Variants in SLC4A10 observed in about 807,000 individuals in gnomAD.
SLC4A10 encodes the protein sodium-driven chloride bicarbonate exchanger.
SLC4A10 carries 42 observed loss-of-function variants against 137.7 expected under a neutral mutation model. The ratio of observed to expected loss-of-function variants is 0.30; its 90% CI spans 0.24 to 0.39. The LOEUF (loss-of-function observed/expected upper bound fraction) is 0.39. SLC4A10 is among the 10% of genes least tolerant of loss of function. The pLI, the probability that SLC4A10 is intolerant of heterozygous loss-of-function variation, is 1.00. For missense variants in SLC4A10, 925 were observed against 1,355.0 expected, an observed-to-expected ratio of 0.68 and a Z score of 4.98; for synonymous variants, 474 against 464.1, an observed-to-expected ratio of 1.02 and a Z score of -0.27.
intron 10 of SLC4A10, 119 bp downstream of exon 10, chr2:161,882,563 TC>T: frequency 2.0e-6 from 1 of 506,642 alleles, no homozygotes; most frequent in Non-Finnish European, 3.4e-6. Context: ...AATCCCATTC[TC>T]CCATGCTTCT....
intron 26 of SLC4A10, among the ~76,000 whole-genome samples, chr2:161,981,834 A>AC (rs1700256685): frequency 6.6e-6 from 1 of 152,040 alleles, no homozygotes. Context: ...GCAGGCACAA[A>AC]CCCGGGCGCC....
rs776504864 is a variant in SLC4A10, at chr2:161,904,811, C to T, written c.1653C>T (p.Thr551=). Residue 551 remains threonine (T), a synonymous_variant, in exon 14 of 27, where the codon ACC becomes ACT. Transcript: ENST00000446997. ...AIESLFGASM[T]GIAYSLFGGQ... ...AATCTCTCTTTGGAGCATCCATGAC[C>T]GGGATAGCCTATTCTCTCTTTGGTG... 5.1e-5 allele frequency: 82 copies of T among 1,613,928 alleles called. No individual in the cohort carries two copies. Among genetic ancestry groups the T allele is most frequent in the African/African-American group, 4.1e-4 (31 of 75,042 alleles).
At chr2:161,831,320 A>C (rs930988590) in intron 3 of SLC4A10, among the ~76,000 whole-genome samples, 4 of 152,272 alleles carry the variant, frequency 2.6e-5, no homozygotes, top group African/African-American at 9.6e-5. Context: ...GAAATGATTA[A>C]TATTATAGAT....
At chr2:161,825,002 T>C (rs554082696) in intron 3 of SLC4A10, among the ~76,000 whole-genome samples, 11 of 152,330 alleles carry the variant, frequency 7.2e-5, no homozygotes, top group African/African-American at 2.6e-4. Flanking sequence ...TAATCCATTT[T>C]CACTTAATGA....
chr2:161,872,455 G>C (rs781079895), intron 7 of SLC4A10, 71 bp downstream of exon 7: 7 of 1,166,692 alleles, frequency 6.0e-6, no homozygotes, highest in Non-Finnish European at 7.6e-6. Context: ...ATTTTAAGAG[G>C]TGTTGACACA....
At chr2:161,729,617 A>AG (rs1553515685) in intron 1 of SLC4A10, among the ~76,000 whole-genome samples, 105 of 151,740 alleles carry the variant, frequency 6.9e-4, no homozygotes, top group Admixed American at 3.0e-3. Flanking sequence ...AATAAAGCGA[A>AG]TTTTTTTTTC....
At chr2:161,708,009 T>C (rs1470249853) in intron 1 of SLC4A10, among the ~76,000 whole-genome samples, 4 of 151,178 alleles carry the variant, frequency 2.6e-5, no homozygotes, top group Admixed American at 6.6e-5. Flanking sequence ...TTTTGCTTGG[T>C]AAATCTTTTG....
At chr2:161,878,477 G>A (rs1484217743) in intron 8 of SLC4A10, among the ~76,000 whole-genome samples, 2 of 151,816 alleles carry the variant, frequency 1.3e-5, no homozygotes, top group Non-Finnish European at 2.9e-5. Flanking sequence ...CATTCATTTC[G>A]ATCACAAACA....
intron 3 of SLC4A10, among the ~76,000 whole-genome samples, chr2:161,838,456 A>G (rs1195784715): frequency 2.0e-5 from 3 of 152,068 alleles, no homozygotes; most frequent in Admixed American, 2.0e-4. Flanking sequence ...CATAATTTAT[A>G]ACACACACAC....
At chr2:161,719,475 G>A (rs56037433) in intron 1 of SLC4A10, among the ~76,000 whole-genome samples, 12,406 of 152,048 alleles carry the variant, frequency 0.082, 642 homozygotes, top group East Asian at 0.14. Flanking sequence ...AGGAATCGCC[G>A]CACTGACTTC....
intron 3 of SLC4A10, among the ~76,000 whole-genome samples, chr2:161,835,416 G>T (rs932193274): frequency 1.1e-4 from 16 of 152,106 alleles, no homozygotes; most frequent in African/African-American, 3.9e-4. Flanking sequence ...CACAGGGATG[G>T]TCATAAGAGA....
Position 161,701,279 on chromosome 2 carries a change from C to A in SLC4A10, c.49-69694C>A, listed in dbSNP as rs199510056. On this transcript the variant is annotated intron_variant, in intron 1 of 26. Coordinates refer to ENST00000446997, the MANE Select transcript of SLC4A10 (RefSeq NM_001178015.2). ...TCTTTTAGGTGTTTTTTGCTGTTAA[C>A]AATCTATTTATTTATGATCTGTGAA... Among the ~76,000 whole-genome samples the A allele has an allele frequency of 5.9e-5, 9 of 151,968 alleles. No individual in the cohort carries two copies. The East Asian group carries it at 1.5e-3, about 26-fold the overall frequency.
chr2:161,911,034 A>G (rs1394901423), intron 15 of SLC4A10, among the ~76,000 whole-genome samples: 1 of 151,938 alleles, frequency 6.6e-6, no homozygotes, highest in Non-Finnish European at 1.5e-5. Context: ...TATTTAAAAT[A>G]TGTAAAAAAT....
intron 3 of SLC4A10, among the ~76,000 whole-genome samples, chr2:161,826,695 G>A (rs2058042731): frequency 6.6e-6 from 1 of 151,996 alleles, no homozygotes. Context: ...ATTCTACAAG[G>A]GCTTTCCTCA....
chr2:161,885,247 G>A (rs72881073), intron 10 of SLC4A10, among the ~76,000 whole-genome samples: 10,415 of 151,788 alleles, frequency 0.069, 460 homozygotes, highest in East Asian at 0.13. Flanking sequence ...TACTCATTAA[G>A]AATAGAATTT....
At chr2:161,633,555 C>T (rs981765284) in intron 1 of SLC4A10, among the ~76,000 whole-genome samples, 1 of 151,682 alleles carries the variant, frequency 6.6e-6, no homozygotes, top group South Asian at 2.1e-4. Flanking sequence ...AATAATATAT[C>T]TATCTCCCAG....
intron 26 of SLC4A10, among the ~76,000 whole-genome samples, chr2:161,980,415 G>A (rs554493793): frequency 3.3e-5 from 5 of 152,284 alleles, no homozygotes; most frequent in South Asian, 2.1e-4. Flanking sequence ...TTGGGAGGCC[G>A]AGGCGAGCAG....
intron 1 of SLC4A10, among the ~76,000 whole-genome samples, chr2:161,626,305 A>G (rs2032353218): frequency 6.6e-6 from 1 of 152,146 alleles, no homozygotes; most frequent in South Asian, 2.1e-4. Context: ...ATGAGGATTA[A>G]CTAGAGGAAT....
At chr2:161,846,507 C>A (rs2059506395) in intron 4 of SLC4A10, among the ~76,000 whole-genome samples, 1 of 152,168 alleles carries the variant, frequency 6.6e-6, no homozygotes, top group South Asian at 2.1e-4. Flanking sequence ...CATGTTCACA[C>A]AAAGACCTCT....
Sources: allele counts gnomAD v4.1 joint callset (sites outside exome capture counted in the v4.1 genomes callset), GRCh38; gene constraint gnomAD v4.1.1; transcripts MANE v1.5; gene names NCBI Gene and HGNC (gene_info 2026-07-23, HGNC 2026-07-21).